Variants in SOX6 observed in about 807,000 individuals in gnomAD.
SOX6 encodes the protein SRY-box transcription factor 6, also known as transcription factor SOX-6.
A neutral mutation model predicts 97.8 loss-of-function variants in SOX6; 11 were observed. The ratio of observed to expected loss-of-function variants is 0.11; its 90% CI spans 0.07 to 0.19. SOX6 has a LOEUF of 0.19. Ranked by LOEUF, SOX6 falls within the 10% of genes least tolerant of loss-of-function variation. The probability of loss-of-function intolerance (pLI) is 1.00; values close to 1 mark genes in which losing one functional copy is unlikely to be tolerated. For synonymous variants in SOX6, 360 were observed against 371.4 expected (o/e 0.97, Z 0.35); for missense variants, 810 against 1,039.5 (o/e 0.78, Z 3.04).
chr11:16,581,620 A>C (rs1848032995), intron 4 of SOX6, among the ~76,000 whole-genome samples: 1 of 152,164 alleles, frequency 6.6e-6, no homozygotes, highest in Non-Finnish European at 1.5e-5. Context: ...ATAAAATTTT[A>C]AAATGTGGTA....
chr11:16,475,960 T>C (rs1860238370), intron 1 of SOX6, among the ~76,000 whole-genome samples: 1 of 152,176 alleles, frequency 6.6e-6, no homozygotes, highest in Non-Finnish European at 1.5e-5. Flanking sequence ...ACCAGAAGAC[T>C]ATCAGAAGTT....
intron 4 of SOX6, among the ~76,000 whole-genome samples, chr11:16,487,796 A>C (rs563882072): frequency 6.6e-6 from 1 of 152,186 alleles, no homozygotes; most frequent in South Asian, 2.1e-4. Context: ...TCTTGTTACC[A>C]CTCTCAGTAC....
chr11:15,995,785 A>T lies in SOX6; in HGVS notation c.1733-6555T>A, dbSNP rs77079135. ...ACAAAATTACAAATAAGGGCTGATTATTCACTAGAAACAATGAAGACTAGT... is the reference window on the plus strand; with the variant it reads ...ACAAAATTACAAATAAGGGCTGATTTTTCACTAGAAACAATGAAGACTAGT... On this transcript the variant is annotated intron_variant, in intron 13 of 15. Coordinates refer to ENST00000683767, the MANE Select transcript of SOX6 (RefSeq NM_001367873.1). Among the ~76,000 whole-genome samples the T allele has an allele frequency of 0.034, 5,138 of 152,268 alleles. 475 individuals are homozygous for T. The East Asian group carries it at 0.36, about 11-fold the overall frequency.
At chr11:16,282,150 T>C in intron 3 of SOX6, among the ~76,000 whole-genome samples, 1 of 151,040 alleles carries the variant, frequency 6.6e-6, no homozygotes, top group Non-Finnish European at 1.5e-5. Flanking sequence ...TTTTCATATA[T>C]TCATTTCTCA....
intron 1 of SOX6, among the ~76,000 whole-genome samples, chr11:16,442,192 G>T (rs1024167128): frequency 6.6e-6 from 1 of 152,174 alleles, no homozygotes; most frequent in African/African-American, 2.4e-5. Flanking sequence ...TTACTTGGTG[G>T]AAAACTTTTC....
intron 6 of SOX6, among the ~76,000 whole-genome samples, chr11:16,144,762 A>C (rs910581374): frequency 1.3e-5 from 2 of 152,216 alleles, no homozygotes; most frequent in Non-Finnish European, 2.9e-5. Flanking sequence ...GAAATGGATA[A>C]ATTCCTCGAC....
At chr11:16,067,941 G>A (rs1239963566) in intron 9 of SOX6, among the ~76,000 whole-genome samples, 2 of 152,160 alleles carry the variant, frequency 1.3e-5, no homozygotes, top group Non-Finnish European at 2.9e-5. Context: ...GCTACTGAAA[G>A]ACATTATCTC....
chr11:16,021,753 G>A (rs75438357), intron 12 of SOX6, among the ~76,000 whole-genome samples: 4,082 of 151,930 alleles, frequency 0.027, 185 homozygotes, highest in African/African-American at 0.093. Flanking sequence ...AATTAGTTAC[G>A]GACTAACTGC....
intron 9 of SOX6, among the ~76,000 whole-genome samples, chr11:16,080,780 C>T (rs1848455975): frequency 1.3e-5 from 2 of 152,098 alleles, no homozygotes; most frequent in Admixed American, 1.3e-4. Context: ...ACTACTGAAA[C>T]ACCATCACTG....
In SOX6 at chr11:16,025,419, C is replaced by T. The variant is rs145591222; in HGVS notation, c.1624-10369G>A. On this transcript the variant is annotated intron_variant, in intron 12 of 15. Transcript: ENST00000683767. ...GTGGAGAATTCTATCTCCACCTAAA[C>T]CACCAATAAGATACTGTTATTCTAA... Among the ~76,000 whole-genome samples, 214 of 152,272 alleles carry T rather than the reference C, an allele frequency of 1.4e-3. 1 individual carries two copies. The highest frequency in any genetic ancestry group is 4.8e-3 in the African/African-American group (200 of 41,552).
chr11:16,275,957 A>C (rs929961537), intron 3 of SOX6, among the ~76,000 whole-genome samples: 2 of 152,186 alleles, frequency 1.3e-5, no homozygotes, highest in Non-Finnish European at 2.9e-5. Flanking sequence ...ATACTATAAC[A>C]GTTTTTGAGT....
chr11:16,435,426 T>G (rs1264289913), intron 1 of SOX6, among the ~76,000 whole-genome samples: 1 of 152,156 alleles, frequency 6.6e-6, no homozygotes, highest in Non-Finnish European at 1.5e-5. Context: ...ATAAAACTTG[T>G]ATGTAAGTTT....
At chr11:16,043,091 C>T (rs1380851343) in intron 12 of SOX6, among the ~76,000 whole-genome samples, 1 of 152,176 alleles carries the variant, frequency 6.6e-6, no homozygotes, top group Non-Finnish European at 1.5e-5. Flanking sequence ...ATGCCCTTAG[C>T]TTAGCTCTGA....
chr11:16,273,875 A>T (rs1854325367), intron 3 of SOX6, among the ~76,000 whole-genome samples: 1 of 152,134 alleles, frequency 6.6e-6, no homozygotes, highest in African/African-American at 2.4e-5. Flanking sequence ...AAGCTGTGGT[A>T]AAAGAATTAG....
intron 1 of SOX6, among the ~76,000 whole-genome samples, chr11:16,474,228 A>C (rs532805280): frequency 6.6e-6 from 1 of 152,298 alleles, no homozygotes; most frequent in Admixed American, 6.5e-5. Context: ...AAAGTCATCC[A>C]TGAGGGTTGA....
At chr11:16,279,886 C>T (rs1854503318) in intron 3 of SOX6, among the ~76,000 whole-genome samples, 1 of 152,026 alleles carries the variant, frequency 6.6e-6, no homozygotes, top group African/African-American at 2.4e-5. Flanking sequence ...ACCAATGAGG[C>T]ATACTAACTC....
chr11:16,414,676 CT>C (rs1396733034), intron 1 of SOX6, among the ~76,000 whole-genome samples: 2 of 152,010 alleles, frequency 1.3e-5, no homozygotes, highest in African/African-American at 4.8e-5. Context: ...AGACAAAATG[CT>C]ATGGGAGTTC....
chr11:16,419,140 AT>A (rs977892986), intron 1 of SOX6, among the ~76,000 whole-genome samples: 1 of 152,078 alleles, frequency 6.6e-6, no homozygotes, highest in Admixed American at 6.6e-5. Context: ...GTGTGGCAAC[AT>A]TTTTTTCATG....
rs76988026 is a variant in SOX6, at chr11:16,174,034, C to CTT, written c.777+9850_777+9851dup. 1.9e-3 allele frequency among the ~76,000 whole-genome samples: 256 copies of CTT among 132,016 alleles called. 1 individual carries two copies. The highest frequency in any genetic ancestry group is 6.3e-3 in the African/African-American group (229 of 36,614). 86.6% of individuals were successfully genotyped at this position (132,016 alleles called of 152,430 possible). A position where few individuals can be genotyped will look rare whatever the true frequency, so the allele number is the denominator to read the frequency against. ...TTAATTTTTAACCTTTCCTTTGTTT[C>CTT]TTTTTTTTTTTTTTTTGTCCATGAG... On this transcript the variant is annotated intron_variant, in intron 6 of 15. Transcript: ENST00000683767.
Sources: allele counts gnomAD v4.1 joint callset (sites outside exome capture counted in the v4.1 genomes callset), GRCh38; gene constraint gnomAD v4.1.1; transcripts MANE v1.5; gene names NCBI Gene and HGNC (gene_info 2026-07-23, HGNC 2026-07-21).